TENM4: variants seen among roughly 807,000 people sequenced by gnomAD.
The protein encoded by TENM4 is teneurin transmembrane protein 4.
A neutral mutation model predicts 243.3 loss-of-function variants in TENM4; 82 were observed. The observed-to-expected ratio is 0.34, with a 90% CI of 0.28 to 0.40. TENM4 has a LOEUF of 0.40. TENM4 is among the 10% of genes least tolerant of loss of function. The pLI, the probability that TENM4 is intolerant of heterozygous loss-of-function variation, is 1.00. For missense variants in TENM4, 3,138 were observed against 3,673.3 expected (o/e 0.85, Z 3.77); for synonymous variants, 1,412 against 1,456.3 (o/e 0.97, Z 0.69).
At chr11:79,082,743 A>G (rs1223672094) in intron 4 of TENM4, among the ~76,000 whole-genome samples, 7 of 152,200 alleles carry the variant, frequency 4.6e-5, no homozygotes, top group African/African-American at 7.2e-5. Flanking sequence ...AAAGGAAGCT[A>G]TGTAGAAAGC....
At chr11:79,286,610 A>T (rs1856256779) in intron 2 of TENM4, among the ~76,000 whole-genome samples, 1 of 152,138 alleles carries the variant, frequency 6.6e-6, no homozygotes, top group African/African-American at 2.4e-5. Flanking sequence ...CAGAGGTTGC[A>T]GTGAGCCAGA....
Position 78,747,965 on chromosome 11 carries a change from G to C in TENM4, c.2756+8840C>G, listed in dbSNP as rs576911512. ...CTGGCTACTAACTTGCTGAGCCAGGGGCTCTCTCTGGCCTTGGAGATTCCT... is the reference window on the plus strand; with the variant it reads ...CTGGCTACTAACTTGCTGAGCCAGGCGCTCTCTCTGGCCTTGGAGATTCCT... On this transcript the variant is annotated intron_variant, in intron 19 of 33. Transcript: ENST00000278550. Among the ~76,000 whole-genome samples, 3 of 152,264 alleles carry C rather than the reference G, an allele frequency of 2.0e-5. 1 individual carries two copies. The South Asian group carries it at 6.2e-4, about 32-fold the overall frequency.
chr11:78,927,039 G>C (rs1182315298), intron 6 of TENM4, among the ~76,000 whole-genome samples: 3 of 152,132 alleles, frequency 2.0e-5, no homozygotes, highest in Admixed American at 1.3e-4. Flanking sequence ...TTCTTTGCTT[G>C]CTGTGCACTA....
At chr11:79,153,404 G>C (rs1279073025) in intron 3 of TENM4, among the ~76,000 whole-genome samples, 3 of 152,194 alleles carry the variant, frequency 2.0e-5, no homozygotes, top group Non-Finnish European at 2.9e-5. Context: ...CAGAGCAGCA[G>C]AAATCCTGGG....
chr11:79,076,172 C>T (rs558364947), intron 4 of TENM4, among the ~76,000 whole-genome samples: 11 of 152,292 alleles, frequency 7.2e-5, no homozygotes, highest in South Asian at 4.1e-4. Flanking sequence ...AATTATTTCT[C>T]GTTTTTGAGG....
chr11:79,158,778 C>G (rs754511578), intron 3 of TENM4, among the ~76,000 whole-genome samples: 3 of 152,184 alleles, frequency 2.0e-5, no homozygotes, highest in Non-Finnish European at 4.4e-5. Flanking sequence ...CAGGATCATA[C>G]AGGCAGGAGA....
chr11:79,119,698 G>A (rs541665695), intron 4 of TENM4, among the ~76,000 whole-genome samples: 5 of 152,302 alleles, frequency 3.3e-5, no homozygotes, highest in African/African-American at 1.2e-4. Context: ...GAAGCCCTAA[G>A]AGGAAGTAGC....
chr11:78,970,400 G>A (rs527342736), intron 6 of TENM4, among the ~76,000 whole-genome samples: 5 of 152,220 alleles, frequency 3.3e-5, no homozygotes, highest in East Asian at 1.9e-4. Context: ...CTATTCGTTC[G>A]GGTTTGTCAG....
intron 1 of TENM4, among the ~76,000 whole-genome samples, chr11:79,314,341 A>G (rs141377339): frequency 1.1e-4 from 16 of 152,342 alleles, no homozygotes; most frequent in African/African-American, 3.4e-4. Context: ...ATGCTATAAT[A>G]ATATTAATAA....
At chr11:79,143,436 A>G (rs1862332227) in intron 4 of TENM4, among the ~76,000 whole-genome samples, 1 of 152,104 alleles carries the variant, frequency 6.6e-6, no homozygotes, top group Non-Finnish European at 1.5e-5. Flanking sequence ...ACAGAAAACC[A>G]AACACTGCAT....
At chr11:79,135,347 C>G (rs1325627198) in intron 4 of TENM4, among the ~76,000 whole-genome samples, 1 of 151,440 alleles carries the variant, frequency 6.6e-6, no homozygotes, top group Non-Finnish European at 1.5e-5. Flanking sequence ...AAAAAAAAAC[C>G]CAGTAGATAT....
chr11:78,849,642 G>T (rs1858485100), intron 12 of TENM4, among the ~76,000 whole-genome samples: 1 of 152,198 alleles, frequency 6.6e-6, no homozygotes, highest in African/African-American at 2.4e-5. Context: ...ACCAAAAACG[G>T]GGGTTTGATG....
chr11:78,812,069 T>C, intron 14 of TENM4, 53 bp downstream of exon 14: 3 of 1,526,194 alleles, frequency 2.0e-6, no homozygotes, highest in South Asian at 1.2e-5. Context: ...TGGCACTATA[T>C]GCCAGCCTCT....
chr11:78,903,346 G>T lies in TENM4; in HGVS notation c.671C>A (p.Pro224His), dbSNP rs1472188003. Residue 224 changes from proline to histidine, a missense_variant, in exon 7 of 34, where the codon CCC becomes CAC. Physicochemically the swap from Pro to His is moderately conservative, Grantham distance 77 (BLOSUM62 -2). This residue lies in a region of TENM4 where 671 missense variants were observed against 614.1 expected (regional missense o/e 1.09). Coordinates refer to ENST00000278550, the MANE Select transcript of TENM4 (RefSeq NM_001098816.3). ...APTDHSLSGEPPAGGAQEPAH... is the reference protein window; with the variant it reads ...APTDHSLSGEHPAGGAQEPAH... ...AGGCTCCTGGGCGCCGCCGGCAGGG[G>T]GCTCTCCGGAGAGCGAGTGGTCCGT... 1.3e-6 allele frequency: 2 copies of T among 1,482,230 alleles called. No individual in the cohort carries two copies. Among genetic ancestry groups the T allele is most frequent in the African/African-American group, 2.9e-5 (2 of 68,288 alleles). 91.8% of individuals were successfully genotyped at this position (1,482,230 alleles called of 1,614,324 possible).
At chr11:78,985,169 T>C (rs1341953476) in intron 6 of TENM4, among the ~76,000 whole-genome samples, 1 of 152,194 alleles carries the variant, frequency 6.6e-6, no homozygotes, top group Non-Finnish European at 1.5e-5. Context: ...GGCTTTACAA[T>C]GCTCACTTAT....
At chr11:79,157,049 G>C (rs1296927282) in intron 3 of TENM4, among the ~76,000 whole-genome samples, 1 of 152,194 alleles carries the variant, frequency 6.6e-6, no homozygotes, top group Non-Finnish European at 1.5e-5. Flanking sequence ...GGTTGAGAAG[G>C]AGGACCTGAA....
chr11:78,945,078 T>G (rs1357104175), intron 6 of TENM4, among the ~76,000 whole-genome samples: 3 of 152,258 alleles, frequency 2.0e-5, no homozygotes, highest in Non-Finnish European at 4.4e-5. Flanking sequence ...CTTCTGTTCA[T>G]AATCAAAACA....
intron 2 of TENM4, among the ~76,000 whole-genome samples, chr11:79,274,107 G>A (rs1856013830): frequency 6.6e-6 from 1 of 152,226 alleles, no homozygotes; most frequent in South Asian, 2.1e-4. Flanking sequence ...TGGTAAATGT[G>A]GAGCAGGAGG....
At chr11:79,008,527 C>A (rs1279297345) in intron 6 of TENM4, among the ~76,000 whole-genome samples, 3 of 152,088 alleles carry the variant, frequency 2.0e-5, no homozygotes, top group Non-Finnish European at 2.9e-5. Context: ...CAGTTTTATA[C>A]CTTTTGCTTA....
Sources: allele counts gnomAD v4.1 joint callset (sites outside exome capture counted in the v4.1 genomes callset), GRCh38; gene constraint gnomAD v4.1.1; regional missense constraint gnomAD v4.1.1; transcripts MANE v1.5; gene names NCBI Gene and HGNC (gene_info 2026-07-23, HGNC 2026-07-21).